The following RPTOR variants were observed in gnomAD, a reference collection of about 807,000 sequenced individuals.
RPTOR encodes regulatory associated protein of MTOR complex 1, also known as regulatory-associated protein of mTOR.
In RPTOR, 21 loss-of-function variants were observed where a neutral mutation model predicts 169.9. That is an observed-to-expected ratio of 0.12 (90% CI 0.09 to 0.18). The LOEUF (loss-of-function observed/expected upper bound fraction) is 0.18, where lower values mean the gene tolerates loss of function less well. Among genes scored for constraint, RPTOR ranks in the 10% least tolerant of loss-of-function variants. The pLI is 1.00. For synonymous variants in RPTOR, 732 were observed against 753.2 expected, an observed-to-expected ratio of 0.97 and a Z score of 0.46; for missense variants, 1,133 against 1,855.9, an observed-to-expected ratio of 0.61 and a Z score of 7.16.
intron 6 of RPTOR, among the ~76,000 whole-genome samples, chr17:80,765,957 C>T (rs969539972): frequency 6.6e-6 from 1 of 152,218 alleles, no homozygotes; most frequent in African/African-American, 2.4e-5. Flanking sequence ...TCCTGACCCC[C>T]AGTAAGATAA....
intron 17 of RPTOR, among the ~76,000 whole-genome samples, chr17:80,890,836 T>C (rs779178896): frequency 1.3e-5 from 2 of 150,658 alleles, no homozygotes; most frequent in Non-Finnish European, 3.0e-5. Context: ...AGACGGAGAG[T>C]GGGGTGGCCA....
chr17:80,880,464 C>T lies in RPTOR; in HGVS notation c.1559C>T (p.Ser520Leu), dbSNP rs995035426. Residue 520 changes from serine to leucine, a missense_variant, in exon 14 of 34, where the codon TCG (serine) becomes TTG (leucine). Ser to Leu is a moderately radical substitution (Grantham distance 145, BLOSUM62 -2). Transcript: ENST00000306801. Reference sequence around the variant, plus strand: ...GACAACGGCCACAAGTACTTCCTGTCGGTCCTGGCGGACCCCTACATGCCA... The same window carrying T: ...GACAACGGCCACAAGTACTTCCTGTTGGTCCTGGCGGACCCCTACATGCCA... ...VKDNGHKYFL[S>L]VLADPYMPAE... 15 of 1,613,562 alleles carry T rather than the reference C, an allele frequency of 9.3e-6. No individual in the cohort carries two copies. The highest frequency in any genetic ancestry group is 1.3e-5 in the African/African-American group (1 of 74,928).
chr17:80,852,288 C>T (rs1008091864), intron 11 of RPTOR, among the ~76,000 whole-genome samples: 4 of 152,142 alleles, frequency 2.6e-5, no homozygotes, highest in Non-Finnish European at 4.4e-5. Flanking sequence ...GGAATCTAAG[C>T]CAATTATTGG....
chr17:80,890,794 G>A (rs2068312214), intron 17 of RPTOR, among the ~76,000 whole-genome samples: 1 of 152,148 alleles, frequency 6.6e-6, no homozygotes, highest in Non-Finnish European at 1.5e-5. Context: ...ATGTAAGGCT[G>A]GGGTGGGAAA....
intron 5 of RPTOR, among the ~76,000 whole-genome samples, chr17:80,736,595 A>G (rs1175154764): frequency 6.6e-6 from 1 of 152,230 alleles, no homozygotes; most frequent in Admixed American, 6.5e-5. Context: ...AAAATATTAA[A>G]TGCATATCTC....
intron 6 of RPTOR, among the ~76,000 whole-genome samples, chr17:80,789,615 T>C (rs2067027295): frequency 1.3e-5 from 2 of 152,190 alleles, no homozygotes; most frequent in South Asian, 4.1e-4. Flanking sequence ...TCCTAGGGCT[T>C]TTGCCTGCAA....
chr17:80,875,788 GGT>G (rs2068101796), intron 13 of RPTOR, among the ~76,000 whole-genome samples: 1 of 147,300 alleles, frequency 6.8e-6, no homozygotes, highest in African/African-American at 2.5e-5. Context: ...TGCCACGCAG[GGT>G]GTGTGTGTCG....
At chr17:80,864,366 G>A (rs1454273102) in intron 13 of RPTOR, among the ~76,000 whole-genome samples, 5 of 143,548 alleles carry the variant, frequency 3.5e-5, no homozygotes, top group Non-Finnish European at 7.5e-5. Flanking sequence ...GATGGAAAAG[G>A]TGAGAATGAT....
rs1051141785 is a variant in RPTOR, at chr17:80,659,797, C to T, written c.348+15987C>T. ...AGATACAGGCGTGAGCCACTGCGCC[C>T]GGACCATCTGGCTAATTTAAAAAAT... On this transcript the variant is annotated intron_variant, in intron 3 of 33. Transcript: ENST00000306801. The surrounding 1 kb of genome is among the most constrained non-coding windows in gnomAD (Gnocchi z 4.3). Among the ~76,000 whole-genome samples, 8 of 152,214 alleles carry T rather than the reference C, an allele frequency of 5.3e-5. No individual in the cohort carries two copies. Among genetic ancestry groups the T allele is most frequent in the East Asian group, 1.9e-4 (1 of 5,166 alleles).
intron 28 of RPTOR, among the ~76,000 whole-genome samples, chr17:80,953,963 T>G (rs945635097): frequency 2.6e-5 from 4 of 152,204 alleles, no homozygotes; most frequent in African/African-American, 9.7e-5. Flanking sequence ...TGGGTTCAGG[T>G]GTATCACAGT....
rs1045291638 is a variant in RPTOR, at chr17:80,959,613, C to T, written c.3478-465C>T. On this transcript the variant is annotated intron_variant, in intron 29 of 33. Coordinates refer to ENST00000306801, the MANE Select transcript of RPTOR (RefSeq NM_020761.3). The surrounding 1 kb of genome is among the most constrained non-coding windows in gnomAD (Gnocchi z 6.7). ...AGCCCCCGAGGGAGCCAGATGACCCCTCCTGGACTCGTCCCATAGCTCATT... is the reference window on the plus strand; with the variant it reads ...AGCCCCCGAGGGAGCCAGATGACCCTTCCTGGACTCGTCCCATAGCTCATT... Among the ~76,000 whole-genome samples the T allele has an allele frequency of 2.0e-5, 3 of 152,242 alleles. No individual in the cohort carries two copies. The highest frequency in any genetic ancestry group is 1.9e-4 in the East Asian group (1 of 5,192).
rs571406785 is a variant in RPTOR, at chr17:80,731,979, AGTTT to A, written c.654+1282_654+1285del. The stretch of plus-strand genomic sequence containing the variant: ...CATGAAAAAGGATCCACATGCAACA[AGTTT>A]GTTTGTTTTGTTTTCTATGATAAGG... On this transcript the variant is annotated intron_variant, in intron 5 of 33. Coordinates refer to ENST00000306801, the MANE Select transcript of RPTOR (RefSeq NM_020761.3). Among the ~76,000 whole-genome samples, 694 of 152,324 alleles carry A rather than the reference AGTTT, an allele frequency of 4.6e-3. 3 individuals are homozygous for A. Among genetic ancestry groups the A allele is most frequent in the South Asian group, 0.012 (60 of 4,830 alleles).
In RPTOR at chr17:80,878,273, A is replaced by G. The variant is rs371118649; in HGVS notation, c.1510-2142A>G. On this transcript the variant is annotated intron_variant, in intron 13 of 33. Transcript: ENST00000306801. This position sits in a 1 kb window ranked among gnomAD's most constrained non-coding sequence, Gnocchi z 4.1. ...TCCCTCTCCAAGAAACACAGCATCCATGATTTGTACATCGCACTGCAGTTT... is the reference window on the plus strand; with the variant it reads ...TCCCTCTCCAAGAAACACAGCATCCGTGATTTGTACATCGCACTGCAGTTT... Among the ~76,000 whole-genome samples, 2 of 152,226 alleles carry G rather than the reference A, an allele frequency of 1.3e-5. No individual in the cohort carries two copies. The highest frequency in any genetic ancestry group is 3.9e-4 in the East Asian group (2 of 5,166).
rs1226456124 is a variant in RPTOR, at chr17:80,711,744, C to CTTTTTTTTTTTTTTTTTTT, written c.507+3761_507+3762insTTTTTTTTTTTTTTTTTTT. 5.0e-3 allele frequency among the ~76,000 whole-genome samples: 442 copies of CTTTTTTTTTTTTTTTTTTT among 88,800 alleles called. 131 individuals carry two copies. The highest frequency in any genetic ancestry group is 0.022 in the African/African-American group (348 of 15,644). 58.3% of individuals were successfully genotyped at this position (88,800 alleles called of 152,430 possible). ...AGTTAACATATAGTTATACATCAGT[C>CTTTTTTTTTTTTTTTTTTT]TTTTTTTTTTTTTTTTGAGGTTAAG... On this transcript the variant is annotated intron_variant, in intron 4 of 33. Transcript: ENST00000306801.
Position 80,609,809 on chromosome 17 carries a change from T to G in RPTOR, c.163-15882T>G, listed in dbSNP as rs2065257511. 7.0e-6 allele frequency among the ~76,000 whole-genome samples: 1 copy of G among 142,338 alleles called. No homozygotes were observed. The highest frequency in any genetic ancestry group is 1.5e-5 in the Non-Finnish European group (1 of 65,236). 93.4% of individuals were successfully genotyped at this position (142,338 alleles called of 152,430 possible). ...TGTGTGTGTGTGTGTGTGTGTGTGT[T>G]AAGAGAGCCATTGTAGGCTACATGC... On this transcript the variant is annotated intron_variant, in intron 1 of 33. Transcript: ENST00000306801. The surrounding 1 kb of genome is among the most constrained non-coding windows in gnomAD (Gnocchi z 4.8).
chr17:80,885,281 C>T (rs996818917), intron 17 of RPTOR, 133 bp downstream of exon 17: 36 of 1,084,852 alleles, frequency 3.3e-5, no homozygotes, highest in Middle Eastern at 3.0e-4. Flanking sequence ...GAGAGCAGAT[C>T]TTTACATGTT....
intron 13 of RPTOR, among the ~76,000 whole-genome samples, chr17:80,874,636 AG>A (rs1235268100): frequency 5.3e-5 from 8 of 152,182 alleles, no homozygotes; most frequent in African/African-American, 1.9e-4. Context: ...GAAGTCGTGA[AG>A]AGCAGTGAGC....
chr17:80,739,404 A>G (rs3850125), intron 5 of RPTOR, among the ~76,000 whole-genome samples: 83,977 of 152,132 alleles, frequency 0.55, 23,436 homozygotes, highest in African/African-American at 0.59. Context: ...GGAAACAGGC[A>G]TAGAGATCAG....
In RPTOR at chr17:80,845,470, C is replaced by T. The variant is rs1263969780; in HGVS notation, c.1213-1003C>T. Reference sequence around the variant, plus strand: ...GTCGCATGACCGCCTCTGCCGGGTCCTCCAGCCCTCCCCCTGCTTCTCTGC... The same window carrying T: ...GTCGCATGACCGCCTCTGCCGGGTCTTCCAGCCCTCCCCCTGCTTCTCTGC... On this transcript the variant is annotated intron_variant, in intron 10 of 33. Transcript: ENST00000306801. This position sits in a 1 kb window ranked among gnomAD's most constrained non-coding sequence, Gnocchi z 5.4. 1.3e-5 allele frequency among the ~76,000 whole-genome samples: 2 copies of T among 152,118 alleles called. No individual in the cohort carries two copies. Among genetic ancestry groups the T allele is most frequent in the Non-Finnish European group, 2.9e-5 (2 of 68,018 alleles).
Sources: allele counts gnomAD v4.1 joint callset (sites outside exome capture counted in the v4.1 genomes callset), GRCh38; gene constraint gnomAD v4.1.1; non-coding constraint Gnocchi (gnomAD v3.1); transcripts MANE v1.5; gene names NCBI Gene and HGNC (gene_info 2026-07-23, HGNC 2026-07-21).